RNF149: variants seen among roughly 807,000 people sequenced by gnomAD.
The protein encoded by RNF149 is ring finger protein 149, also known as E3 ubiquitin-protein ligase RNF149.
A neutral mutation model predicts 39.0 loss-of-function variants in RNF149; 21 were observed. That is an observed-to-expected ratio of 0.54 (90% CI 0.38 to 0.77). The LOEUF (loss-of-function observed/expected upper bound fraction) is 0.77, where lower values mean the gene tolerates loss of function less well. Among genes scored for constraint, RNF149 ranks in the 30% least tolerant of loss-of-function variants. The pLI is 0.00. For synonymous variants in RNF149, 209 were observed against 213.6 expected (o/e 0.98, Z 0.19); for missense variants, 493 against 534.9 (o/e 0.92, Z 0.77).
At chr2:101,287,596 C>A (rs1682843499) in intron 4 of RNF149, among the ~76,000 whole-genome samples, 1 of 152,180 alleles carries the variant, frequency 6.6e-6, no homozygotes, top group Non-Finnish European at 1.5e-5. Flanking sequence ...TGCCCTAAAC[C>A]AGTCTGGAGT....
intron 1 of RNF149, among the ~76,000 whole-genome samples, chr2:101,304,997 T>C (rs1487881074): frequency 2.0e-5 from 3 of 151,980 alleles, no homozygotes; most frequent in African/African-American, 7.2e-5. Flanking sequence ...CACACCACCA[T>C]GCCCGGCTAA....
chr2:101,282,295 C>T (rs888224945), intron 5 of RNF149, among the ~76,000 whole-genome samples: 2 of 151,936 alleles, frequency 1.3e-5, no homozygotes, highest in African/African-American at 2.4e-5. Context: ...CTCCTTGATA[C>T]AAGCAATGCC....
At chr2:101,275,431 CTTTTTTTTTTT>C (rs59154104), downstream of RNF149, among the ~76,000 whole-genome samples, 41 of 26,604 alleles carry the variant, frequency 1.5e-3, 1 homozygote, top group South Asian at 2.6e-3. Context: ...CCTAGTATTT[CTTTTTTTTTTT>C]TTTTTTTTTT....
At chr2:101,294,715 CA>C (rs998287384) in intron 2 of RNF149, 121 of 516,422 alleles carry the variant, frequency 2.3e-4, no homozygotes, top group African/African-American at 2.2e-3. Flanking sequence ...AACAAATGTG[CA>C]AAAGGTAACC....
At position 101,308,537 on chromosome 2, in the gene RNF149, G is replaced by T; in HGVS notation, c.52C>A (p.Leu18Met). The T allele has an allele frequency of 6.3e-7, 1 of 1,598,158 alleles. No individual in the cohort carries two copies. The highest frequency in any genetic ancestry group is 8.5e-7 in the Non-Finnish European group (1 of 1,174,970). Residue 18 changes from leucine (L) to methionine (M), a missense_variant, in exon 1 of 7, where the codon CTG becomes ATG. Transcript: ENST00000295317. ...CACAGGGCCAGGGCGAGCAACGCCA[G>T]AGCCAACACGCCGCGAGCCCCGACG... ...ASVGARGVLA[L>M]ALLALALCVP...
chr2:101,277,135 AC>A lies in RNF149; in HGVS notation c.*102del, dbSNP rs1052583675. The A allele has an allele frequency of 6.0e-6, 9 of 1,498,092 alleles. No individual in the cohort carries two copies. The highest frequency in any genetic ancestry group is 4.2e-5 in the African/African-American group (3 of 71,394). The allele number at this position is 1,498,092 out of a possible 1,614,324, so 92.8% of individuals were successfully genotyped here. ...CAGAATCTAATAGGTAAAATAATAT[AC>A]ATTATTTTCAAATATACAAATTATG... On this transcript the variant is annotated 3_prime_UTR_variant, in exon 7 of 7. Coordinates refer to ENST00000295317, the MANE Select transcript of RNF149 (RefSeq NM_173647.4).
At chr2:101,271,642 A>G (rs1283726115), downstream of RNF149, 2 of 152,106 alleles carry the variant, frequency 1.3e-5, no homozygotes, top group African/African-American at 4.8e-5. Context: ...ACTGCAATAA[A>G]CTTTTTTAAG....
At chr2:101,300,311 C>T (rs1469741762) in intron 1 of RNF149, among the ~76,000 whole-genome samples, 2 of 152,120 alleles carry the variant, frequency 1.3e-5, no homozygotes, top group East Asian at 3.9e-4. Flanking sequence ...AATAAATGAA[C>T]AGATGAGTGG....
chr2:101,299,461 AG>A (rs1683368170), intron 1 of RNF149, among the ~76,000 whole-genome samples: 1 of 152,184 alleles, frequency 6.6e-6, no homozygotes, highest in Admixed American at 6.5e-5. Flanking sequence ...ACAACAAAGG[AG>A]GAAGGCATTT....
Position 101,289,143 on chromosome 2 carries a change from C to T in RNF149, c.781-88G>A, listed in dbSNP as rs149187857. On this transcript the variant is annotated intron_variant, in intron 3 of 6. Coordinates refer to ENST00000295317, the MANE Select transcript of RNF149 (RefSeq NM_173647.4). Reference sequence around the variant, plus strand: ...CACTACATCCGGACTAAAACAATGACGAATTCCCTTCTACAGTGGTACAAC... The same window carrying T: ...CACTACATCCGGACTAAAACAATGATGAATTCCCTTCTACAGTGGTACAAC... 691 of 741,822 alleles carry T rather than the reference C, an allele frequency of 9.3e-4. 9 individuals carry two copies. The East Asian group carries it at 0.015, about 16-fold the overall frequency. The allele number at this position is 741,822 out of a possible 1,614,324, so 46.0% of individuals were successfully genotyped here.
At chr2:101,274,411 C>T (rs534424852), downstream of RNF149, among the ~76,000 whole-genome samples, 2 of 152,316 alleles carry the variant, frequency 1.3e-5, no homozygotes, top group South Asian at 2.1e-4. Flanking sequence ...CACTCTGACA[C>T]GTAAACCCTG....
chr2:101,306,548 G>A (rs1683666062), intron 1 of RNF149, among the ~76,000 whole-genome samples: 2 of 152,152 alleles, frequency 1.3e-5, no homozygotes, highest in South Asian at 4.1e-4. Context: ...CTGAGGAACT[G>A]TCCTTGGACC....
chr2:101,272,708 CTT>C (rs201408210), downstream of RNF149: 1,165 of 347,758 alleles, frequency 3.4e-3, 9 homozygotes, highest in African/African-American at 0.023. Context: ...TATATACTGA[CTT>C]ATAATTTCAG....
intron 6 of RNF149, among the ~76,000 whole-genome samples, chr2:101,279,520 A>AGGCAAT (rs1350381609): frequency 1.3e-5 from 2 of 152,214 alleles, no homozygotes; most frequent in Non-Finnish European, 2.9e-5. Flanking sequence ...TGGAGTTGGA[A>AGGCAAT]GGCAATGGCA....
chr2:101,292,790 A>G (rs959070210), intron 3 of RNF149, among the ~76,000 whole-genome samples: 9 of 152,040 alleles, frequency 5.9e-5, no homozygotes, highest in African/African-American at 2.2e-4. Context: ...AAAGAACTGC[A>G]ATTTCCTGCT....
intron 4 of RNF149, among the ~76,000 whole-genome samples, chr2:101,287,318 T>C (rs1293649324): frequency 6.6e-6 from 1 of 152,062 alleles, no homozygotes; most frequent in African/African-American, 2.4e-5. Context: ...AACGAAACTC[T>C]GTCTCAAAAA....
chr2:101,295,533 C>A (rs1042881341), intron 1 of RNF149, among the ~76,000 whole-genome samples: 1 of 151,700 alleles, frequency 6.6e-6, no homozygotes, highest in African/African-American at 2.4e-5. Flanking sequence ...TGGTGGTGTG[C>A]GCCTGTAATC....
At chr2:101,282,985 C>T (rs200131664) in intron 5 of RNF149, among the ~76,000 whole-genome samples, 1 of 57,126 alleles carries the variant, frequency 1.8e-5, no homozygotes, top group African/African-American at 4.7e-5. Context: ...CAAACTCCTG[C>T]CCAGCCTAGC....
At chr2:101,302,566 T>C (rs1183834986) in intron 1 of RNF149, among the ~76,000 whole-genome samples, 1 of 152,204 alleles carries the variant, frequency 6.6e-6, no homozygotes, top group Non-Finnish European at 1.5e-5. Context: ...AAGAACTCTT[T>C]TGCAATTTTC....
Sources: allele counts gnomAD v4.1 joint callset (sites outside exome capture counted in the v4.1 genomes callset), GRCh38; gene constraint gnomAD v4.1.1; transcripts MANE v1.5; gene names NCBI Gene and HGNC (gene_info 2026-07-23, HGNC 2026-07-21).